Variants in MAP7D2 observed in about 807,000 individuals in gnomAD.
The protein encoded by MAP7D2 is MAP7 domain-containing protein 2.
Under a neutral mutation model 63.5 loss-of-function variants are expected in MAP7D2, and 33 were observed. That is an observed-to-expected ratio of 0.52 (90% CI 0.39 to 0.70). The LOEUF is 0.70. MAP7D2 is among the 30% of genes least tolerant of loss of function. MAP7D2 has a pLI of 0.00. For missense variants in MAP7D2, 626 were observed against 604.0 expected (o/e 1.04, Z -0.38); for synonymous variants, 224 against 223.7 (o/e 1.00, Z -0.01).
At chrX:20,080,414 C>A (rs1362738650) in intron 1 of MAP7D2, among the ~76,000 whole-genome samples, 1 of 110,375 alleles carries the variant, frequency 9.1e-6, no homozygotes, top group Non-Finnish European at 1.9e-5. Context: ...AAAAAACCAA[C>A]AAGCAAATGG....
At chrX:20,029,242 G>A (rs962039159) in intron 8 of MAP7D2, among the ~76,000 whole-genome samples, 1 of 112,495 alleles carries the variant, frequency 8.9e-6, no homozygotes, top group East Asian at 2.8e-4. Flanking sequence ...GGTCTCCAGG[G>A]CTGGACTGGG....
intron 10 of MAP7D2, 91 bp from the exon 11 acceptor site, chrX:20,016,416 A>T: frequency 1.4e-6 from 1 of 710,909 alleles, no homozygotes; most frequent in Non-Finnish European, 2.2e-6. Context: ...ATAATGCTCC[A>T]CATGGTAACA....
At chrX:20,032,867 G>A (rs1208897940) in intron 8 of MAP7D2, among the ~76,000 whole-genome samples, 1 of 112,152 alleles carries the variant, frequency 8.9e-6, no homozygotes, top group Non-Finnish European at 1.9e-5. Flanking sequence ...GACAGCTTCC[G>A]CTTCCTGACC....
At chrX:20,055,042 C>T (rs759882577) in intron 4 of MAP7D2, among the ~76,000 whole-genome samples, 4 of 109,757 alleles carry the variant, frequency 3.6e-5, no homozygotes, top group Admixed American at 9.7e-5. Context: ...TATGACCTTC[C>T]GCATTGTTGG....
chrX:20,094,556 A>ATG lies in MAP7D2; in HGVS notation c.130+22193_130+22194insCA, dbSNP rs2066195903. On this transcript the variant is annotated intron_variant, in intron 1 of 16. Coordinates refer to ENST00000379643, the MANE Select transcript of MAP7D2 (RefSeq NM_001168465.2). Reference sequence around the variant, plus strand: ...TATATATATATGTATATATATATATATATATATATATACATATATATGTAT... The same window carrying ATG: ...TATATATATATGTATATATATATATATGTATATATATATACATATATATGTAT... Among the ~76,000 whole-genome samples, 2 of 12,146 alleles carry ATG rather than the reference A, an allele frequency of 1.6e-4. 1 individual carries two copies. The highest frequency in any genetic ancestry group is 2.7e-4 in the Non-Finnish European group (2 of 7,526). The allele number at this position is 12,146 out of a possible 115,157, so 10.5% of individuals were successfully genotyped here.
At chrX:20,067,951 C>G (rs929914004) in intron 1 of MAP7D2, among the ~76,000 whole-genome samples, 1 of 112,299 alleles carries the variant, frequency 8.9e-6, no homozygotes, top group Non-Finnish European at 1.9e-5. Flanking sequence ...CCTCCTCACA[C>G]TAGTGGTTTG....
rs1279524080 is a variant in MAP7D2, at chrX:20,025,912, T to C, written c.1048A>G (p.Lys350Glu). 7.4e-6 allele frequency: 9 copies of C among 1,209,809 alleles called. No individual in the cohort carries two copies. The highest frequency in any genetic ancestry group is 1.0e-5 in the Non-Finnish European group (9 of 895,220). ...ACAGGAGACCCTGGGTAGGGAGGTTTCGTTGTCTTTGGAGACTGTGGATAA... is the reference window on the plus strand; with the variant it reads ...ACAGGAGACCCTGGGTAGGGAGGTTCCGTTGTCTTTGGAGACTGTGGATAA... Reference protein sequence around the residue: ...KAYPQSPKTTKPPYPGSPVKY... With the variant: ...KAYPQSPKTTEPPYPGSPVKY... Residue 350 changes from lysine (K) to glutamate (E), a missense_variant, in exon 9 of 17, where the codon AAA (lysine) becomes GAA (glutamate). Coordinates refer to ENST00000379643, the MANE Select transcript of MAP7D2 (RefSeq NM_001168465.2).
Position 20,028,380 on chromosome X carries a change from A to T in MAP7D2, c.1008-2428T>A, listed in dbSNP as rs761138583. Among the ~76,000 whole-genome samples the T allele has an allele frequency of 7.1e-5, 8 of 112,157 alleles. No individual in the cohort carries two copies. In the East Asian group the frequency reaches 2.2e-3, roughly 31 times the overall value. On this transcript the variant is annotated intron_variant, in intron 8 of 16. Coordinates refer to ENST00000379643, the MANE Select transcript of MAP7D2 (RefSeq NM_001168465.2). ...TGTTAGGTATTGGTGTTGATCAATT[A>T]GATGATAAACTAAAAATCCAAATAA... is the stretch of plus-strand genomic sequence containing the variant.
chrX:20,020,885 C>G (rs757569573), intron 10 of MAP7D2, among the ~76,000 whole-genome samples: 2 of 112,007 alleles, frequency 1.8e-5, no homozygotes, highest in African/African-American at 3.2e-5. Context: ...GATGGGGTCT[C>G]TCTACGTTGC....
At chrX:20,064,938 AG>A (rs2065313863) in intron 1 of MAP7D2, 133 bp from the exon 2 acceptor site, 10 of 514,308 alleles carry the variant, frequency 1.9e-5, no homozygotes, top group Non-Finnish European at 3.0e-5. Flanking sequence ...CTTCAACCAA[AG>A]GAAGTCCAAT....
At chrX:20,074,420 A>C (rs1208208074) in intron 1 of MAP7D2, among the ~76,000 whole-genome samples, 1 of 112,205 alleles carries the variant, frequency 8.9e-6, no homozygotes, top group African/African-American at 3.2e-5. Flanking sequence ...TGCAAGTGGA[A>C]ACTGAAAATC....
intron 8 of MAP7D2, 92 bp from the exon 9 acceptor site, chrX:20,026,044 A>G (rs2073831998): frequency 1.0e-6 from 1 of 996,095 alleles, no homozygotes; most frequent in African/African-American, 1.9e-5. Context: ...AAGCTGAACA[A>G]TTTCATCCTT....
chrX:20,056,113 C>T (rs995092817), intron 4 of MAP7D2, among the ~76,000 whole-genome samples: 6 of 111,605 alleles, frequency 5.4e-5, no homozygotes, highest in African/African-American at 1.6e-4. Flanking sequence ...TAGTGAGACA[C>T]TGAAAAGAAG....
rs2073054296 is a variant in MAP7D2, at chrX:20,007,827, A to G, written c.*598T>C. The G allele has an allele frequency of 8.9e-6, 1 of 112,076 alleles. No individual in the cohort carries two copies. The highest frequency in any genetic ancestry group is 3.2e-5 in the African/African-American group (1 of 30,836). 9.2% of individuals were successfully genotyped at this position (112,076 alleles called of 1,213,427 possible). ...CCAAACTTACTACTTTAACCCCAGA[A>G]GAATAATGTGGGGCAATGCATTTCT... On this transcript the variant is annotated 3_prime_UTR_variant, in exon 17 of 17. Transcript: ENST00000379643.
At chrX:20,077,755 T>C (rs768848494) in intron 1 of MAP7D2, among the ~76,000 whole-genome samples, 49 of 112,201 alleles carry the variant, frequency 4.4e-4, no homozygotes, top group African/African-American at 1.5e-3. Flanking sequence ...GGTGATAAGA[T>C]AGAGTACATT....
In MAP7D2 at chrX:20,027,788, G is replaced by C. The variant is rs780379199; in HGVS notation, c.1008-1836C>G. ...AGAGAGAGAGAGAGAGAGAGAGAGA[G>C]AGACAGAGACAGACAGAGACAGAGA... On this transcript the variant is annotated intron_variant, in intron 8 of 16. Transcript: ENST00000379643. 1.3e-4 allele frequency among the ~76,000 whole-genome samples: 13 copies of C among 103,046 alleles called. No homozygotes were observed. In the East Asian group the frequency reaches 2.1e-3, roughly 17 times the overall value. 89.5% of individuals were successfully genotyped at this position (103,046 alleles called of 115,157 possible). A position where few individuals can be genotyped will look rare whatever the true frequency, so the allele number is the denominator to read the frequency against.
At chrX:20,104,592 C>T (rs1399414769) in intron 1 of MAP7D2, among the ~76,000 whole-genome samples, 2 of 112,705 alleles carry the variant, frequency 1.8e-5, no homozygotes, top group East Asian at 2.8e-4. Context: ...TGAGCCACCA[C>T]GCCTGGCCTA....
chrX:20,025,660 A>G, intron 9 of MAP7D2, 21 bp downstream of exon 9: 1 of 1,209,148 alleles, frequency 8.3e-7, no homozygotes, highest in Non-Finnish European at 1.1e-6. Context: ...GGGAAAGCCA[A>G]GGCACGGTGG....
intron 8 of MAP7D2, among the ~76,000 whole-genome samples, chrX:20,027,758 GA>G (rs1569516349): frequency 0.013 from 502 of 38,571 alleles, 4 homozygotes; most frequent in African/African-American, 0.018. Context: ...AAGGCGGGGG[GA>G]GAGAGAGAGA....
Sources: gnomAD v4.1 joint callset for allele counts (sites outside exome capture counted in the v4.1 genomes callset) on GRCh38, gnomAD v4.1.1 for gene constraint, MANE v1.5 for transcripts, NCBI Gene and HGNC (gene_info 2026-07-23, HGNC 2026-07-21) for gene names.